The following CSMD1 variants were observed in gnomAD, a reference collection of about 807,000 sequenced individuals.
The protein encoded by CSMD1 is CUB and Sushi multiple domains 1, also known as CUB and sushi domain-containing protein 1.
In CSMD1, 213 loss-of-function variants were observed where a neutral mutation model predicts 417.5. The observed-to-expected ratio is 0.51, with a 90% CI of 0.46 to 0.57. CSMD1 has a LOEUF of 0.57. Among genes scored for constraint, CSMD1 ranks in the 20% least tolerant of loss-of-function variants. The probability of loss-of-function intolerance (pLI) is 0.00; values close to 1 mark genes in which losing one functional copy is unlikely to be tolerated. For synonymous variants in CSMD1, 2,862 were observed against 1,736.8 expected, an observed-to-expected ratio of 1.65 and a Z score of -16.11; for missense variants, 6,923 against 4,529.7, an observed-to-expected ratio of 1.53 and a Z score of -15.17.
intron 10 of CSMD1, among the ~76,000 whole-genome samples, chr8:3,561,925 G>T (rs1302946749): frequency 6.6e-6 from 1 of 152,150 alleles, no homozygotes; most frequent in Non-Finnish European, 1.5e-5. Context: ...ATAAGCGAGG[G>T]ATGCAGATGA....
chr8:3,893,819 T>C (rs1463474396), intron 5 of CSMD1, among the ~76,000 whole-genome samples: 1 of 152,158 alleles, frequency 6.6e-6, no homozygotes, highest in African/African-American at 2.4e-5. Context: ...ACTTTGATTT[T>C]ACCTGTTGCC....
intron 36 of CSMD1, among the ~76,000 whole-genome samples, chr8:3,184,071 C>T (rs1464262599): frequency 1.3e-5 from 2 of 152,124 alleles, no homozygotes; most frequent in East Asian, 3.9e-4. Context: ...CTTGATTTGG[C>T]CCAAAGACCC....
chr8:4,604,355 C>G (rs1473284651), intron 2 of CSMD1, among the ~76,000 whole-genome samples: 1 of 146,788 alleles, frequency 6.8e-6, no homozygotes, highest in East Asian at 2.0e-4. Flanking sequence ...ATATATTATT[C>G]TAGTCTTTAC....
At chr8:3,673,103 T>C (rs1799166186) in intron 7 of CSMD1, among the ~76,000 whole-genome samples, 1 of 152,174 alleles carries the variant, frequency 6.6e-6, no homozygotes, top group Non-Finnish European at 1.5e-5. Flanking sequence ...ACTGAGTTAA[T>C]AATAAATGAA....
intron 5 of CSMD1, among the ~76,000 whole-genome samples, chr8:3,813,087 GC>G (rs1801172608): frequency 1.5e-5 from 2 of 137,026 alleles, no homozygotes; most frequent in South Asian, 2.3e-4. Flanking sequence ...TCTATTTTAA[GC>G]TAGTTTTTTT....
At chr8:4,767,436 G>C (rs1383332980) in intron 1 of CSMD1, among the ~76,000 whole-genome samples, 1 of 151,964 alleles carries the variant, frequency 6.6e-6, no homozygotes, top group Admixed American at 6.6e-5. Context: ...ACATCATCCT[G>C]ACCAATCCCG....
chr8:4,037,319 A>T (rs1585180759), intron 3 of CSMD1, among the ~76,000 whole-genome samples: 1 of 152,214 alleles, frequency 6.6e-6, no homozygotes, highest in East Asian at 1.9e-4. Flanking sequence ...TTAGAGCCAC[A>T]TTTTCCCAGA....
intron 1 of CSMD1, among the ~76,000 whole-genome samples, chr8:4,814,485 G>A (rs1410979085): frequency 2.6e-5 from 4 of 152,148 alleles, no homozygotes; most frequent in Non-Finnish European, 5.9e-5. Context: ...AAAGTCAAGT[G>A]ATCCACCCAC....
chr8:3,103,681 T>C (rs1392003790), intron 46 of CSMD1, among the ~76,000 whole-genome samples: 1 of 151,960 alleles, frequency 6.6e-6, no homozygotes, highest in African/African-American at 2.4e-5. Context: ...TTGTCATGAA[T>C]TAAACGTCAT....
chr8:4,713,260 C>A (rs754106499), intron 1 of CSMD1, among the ~76,000 whole-genome samples: 1 of 152,210 alleles, frequency 6.6e-6, no homozygotes, highest in Non-Finnish European at 1.5e-5. Context: ...AGAAGGAATG[C>A]GGAGCAGGAG....
At chr8:4,259,112 A>T (rs1183418104) in intron 3 of CSMD1, among the ~76,000 whole-genome samples, 1 of 152,166 alleles carries the variant, frequency 6.6e-6, no homozygotes, top group African/African-American at 2.4e-5. Flanking sequence ...GAAAGGTCGT[A>T]CTTTAAATAT....
intron 5 of CSMD1, among the ~76,000 whole-genome samples, chr8:3,759,740 CAAA>C (rs1188168101): frequency 8.6e-6 from 1 of 116,466 alleles, no homozygotes; most frequent in African/African-American, 3.2e-5. Context: ...CTAAAAATAC[CAAA>C]AAAAAAAAAA....
At chr8:3,629,228 T>G (rs1748927396) in intron 7 of CSMD1, among the ~76,000 whole-genome samples, 1 of 152,098 alleles carries the variant, frequency 6.6e-6, no homozygotes, top group African/African-American at 2.4e-5. Context: ...AAAATCCAGG[T>G]CAGTTACTGA....
chr8:4,067,765 AC>A, intron 3 of CSMD1, among the ~76,000 whole-genome samples: 1 of 152,276 alleles, frequency 6.6e-6, no homozygotes, highest in South Asian at 2.1e-4. Flanking sequence ...AATTGTATGA[AC>A]GTTTTCCTGT....
chr8:4,271,126 G>T (rs1804565662), intron 3 of CSMD1, among the ~76,000 whole-genome samples: 1 of 152,126 alleles, frequency 6.6e-6, no homozygotes, highest in South Asian at 2.1e-4. Flanking sequence ...CATTCTGCCT[G>T]GAGCTTACTC....
intron 10 of CSMD1, among the ~76,000 whole-genome samples, chr8:3,565,001 T>C (rs1217490538): frequency 5.0e-5 from 6 of 119,288 alleles, no homozygotes; most frequent in South Asian, 2.6e-4. Flanking sequence ...AATACCTAGG[T>C]GATGGGAAGC....
chr8:3,216,904 C>T (rs564703973), intron 29 of CSMD1, among the ~76,000 whole-genome samples: 1 of 152,382 alleles, frequency 6.6e-6, no homozygotes, highest in Admixed American at 6.5e-5. Flanking sequence ...CCAGCACTTG[C>T]TCTGGGCTGC....
At chr8:4,754,935 G>C (rs904591372) in intron 1 of CSMD1, among the ~76,000 whole-genome samples, 1 of 151,970 alleles carries the variant, frequency 6.6e-6, no homozygotes, top group Non-Finnish European at 1.5e-5. Context: ...TCGGGAGTTC[G>C]AAACCAGCCT....
chr8:4,427,538 A>G (rs1797634040), intron 2 of CSMD1, among the ~76,000 whole-genome samples: 1 of 152,004 alleles, frequency 6.6e-6, no homozygotes. Context: ...CACACAGTGA[A>G]TCATGTGAGT....
Sources: allele counts gnomAD v4.1 joint callset (sites outside exome capture counted in the v4.1 genomes callset), GRCh38; gene constraint gnomAD v4.1.1; transcripts MANE v1.5; gene names NCBI Gene and HGNC (gene_info 2026-07-23, HGNC 2026-07-21).